NTN1: variants seen among roughly 807,000 people sequenced by gnomAD.
NTN1 encodes the protein netrin-1.
A neutral mutation model predicts 54.2 loss-of-function variants in NTN1; 11 were observed. The observed-to-expected ratio is 0.20, with a 90% CI of 0.13 to 0.34. The LOEUF is 0.34. Among genes scored for constraint, NTN1 ranks in the 10% least tolerant of loss-of-function variants. NTN1 has a pLI of 1.00. For synonymous variants in NTN1, 371 were observed against 382.0 expected, an observed-to-expected ratio of 0.97 and a Z score of 0.33; for missense variants, 740 against 893.1, an observed-to-expected ratio of 0.83 and a Z score of 2.18.
intron 2 of NTN1, among the ~76,000 whole-genome samples, chr17:9,099,230 C>T (rs2092141499): frequency 6.6e-6 from 1 of 152,160 alleles, no homozygotes; most frequent in South Asian, 2.1e-4. Context: ...ATGTTGAAAC[C>T]CTGTCTCTAC....
chr17:9,117,589 C>T (rs527534724), intron 2 of NTN1, among the ~76,000 whole-genome samples: 7 of 151,862 alleles, frequency 4.6e-5, no homozygotes, highest in South Asian at 2.1e-4. Context: ...ACTAAAAATA[C>T]GAAAATTAGC....
At chr17:9,073,368 G>T (rs987028649) in intron 2 of NTN1, among the ~76,000 whole-genome samples, 1 of 152,188 alleles carries the variant, frequency 6.6e-6, no homozygotes, top group Non-Finnish European at 1.5e-5. Flanking sequence ...AAGTCCCCAC[G>T]AGAGTTCTCC....
intron 5 of NTN1, among the ~76,000 whole-genome samples, chr17:9,186,949 A>AG (rs1288495936): frequency 5.9e-5 from 9 of 152,020 alleles, no homozygotes; most frequent in Non-Finnish European, 7.4e-5. Flanking sequence ...GAGGGAGAAA[A>AG]GGGCACTAAA....
intron 6 of NTN1, among the ~76,000 whole-genome samples, chr17:9,234,952 T>C (rs1905931951): frequency 8.0e-6 from 1 of 125,220 alleles, no homozygotes; most frequent in South Asian, 2.5e-4. Flanking sequence ...TTTGTCTGTT[T>C]TTTGTTTTTT....
chr17:9,013,130 G>T, the NTN1 span, among the ~76,000 whole-genome samples: 1 of 151,816 alleles, frequency 6.6e-6, no homozygotes, highest in African/African-American at 2.4e-5. Flanking sequence ...TGGTAGCCAG[G>T]TCTGTTCTGC....
At chr17:9,164,871 A>G (rs1412331021) in intron 3 of NTN1, among the ~76,000 whole-genome samples, 1 of 152,174 alleles carries the variant, frequency 6.6e-6, no homozygotes, top group Non-Finnish European at 1.5e-5. Flanking sequence ...GGCCCAGGCA[A>G]AGGGACCCGA....
rs1905557715 is a variant in NTN1 at position 9,226,450 on chromosome 17, AGG to A, written c.1486+5209_1486+5210del. ...CTCGTGGGGAGGCGGTCTCGTGGGG[AGG>A]CTGTCTCGTGGGGAGGCTGTCTCGT... On this transcript the variant is annotated intron_variant, in intron 6 of 6. Transcript: ENST00000173229. Among the ~76,000 whole-genome samples, 2 of 88,524 alleles carry A rather than the reference AGG, an allele frequency of 2.3e-5. 1 individual carries two copies. 58.1% of individuals were successfully genotyped at this position (88,524 alleles called of 152,430 possible). A position where few individuals can be genotyped will look rare whatever the true frequency, so the allele number is the denominator to read the frequency against.
chr17:9,139,674 GACTAACCATA>G (rs2092291737), intron 2 of NTN1, among the ~76,000 whole-genome samples: 1 of 152,124 alleles, frequency 6.6e-6, no homozygotes, highest in Admixed American at 6.5e-5. Context: ...CGTCCTCAGG[GACTAACCATA>G]ACTATATGCA....
rs910559598 is a variant in NTN1, at chr17:9,072,113, G to A, written c.1018+48722G>A. ...GCTGAGGTCTGGCAAGATGCTTCTC[G>A]GGCAGGAACCCCAAGGGGAGCACTT... is the stretch of plus-strand genomic sequence containing the variant. On this transcript the variant is annotated intron_variant, in intron 2 of 6. Transcript: ENST00000173229. 1.2e-4 allele frequency among the ~76,000 whole-genome samples: 18 copies of A among 152,166 alleles called. 1 individual carries two copies. The highest frequency in any genetic ancestry group is 4.1e-4 in the South Asian group (2 of 4,826).
intron 5 of NTN1, among the ~76,000 whole-genome samples, chr17:9,217,315 T>C (rs1285444367): frequency 1.3e-5 from 2 of 152,200 alleles, no homozygotes; most frequent in Non-Finnish European, 2.9e-5. Context: ...TTACTAGAGA[T>C]TGCTCCCAGA....
intron 6 of NTN1, among the ~76,000 whole-genome samples, chr17:9,228,112 G>C (rs1267049982): frequency 6.6e-6 from 1 of 152,150 alleles, no homozygotes; most frequent in Non-Finnish European, 1.5e-5. Context: ...TAGGAGGGGA[G>C]ACCGACATAC....
At chr17:9,205,712 G>A (rs576250386) in intron 5 of NTN1, among the ~76,000 whole-genome samples, 6 of 152,358 alleles carry the variant, frequency 3.9e-5, no homozygotes, top group African/African-American at 1.4e-4. Context: ...CCATGGCTCT[G>A]TGTATGGAAA....
At chr17:9,126,148 G>A (rs547528150) in intron 2 of NTN1, among the ~76,000 whole-genome samples, 22 of 152,336 alleles carry the variant, frequency 1.4e-4, no homozygotes, top group South Asian at 4.1e-4. Flanking sequence ...TTAATGAATT[G>A]AATAGGATCA....
chr17:9,199,913 G>T lies in NTN1; in HGVS notation c.1411+16944G>T, dbSNP rs946183203. On this transcript the variant is annotated intron_variant, in intron 5 of 6. Coordinates refer to ENST00000173229, the MANE Select transcript of NTN1 (RefSeq NM_004822.3). ...GTGAGCTTTGAGGAGCTTTGTGTGT[G>T]TTTGTAGGAAGTAGTTTAGCCCAGT... Among the ~76,000 whole-genome samples the T allele has an allele frequency of 2.6e-5, 4 of 152,238 alleles. 1 individual carries two copies. Among genetic ancestry groups the T allele is most frequent in the African/African-American group, 2.4e-5 (1 of 41,458 alleles).
chr17:9,159,448 G>C (rs2092351541), intron 2 of NTN1, among the ~76,000 whole-genome samples: 1 of 152,196 alleles, frequency 6.6e-6, no homozygotes, highest in Non-Finnish European at 1.5e-5. Context: ...CTGCTGGTAG[G>C]TGTATAAGCC....
chr17:9,115,686 G>A (rs1033955816), intron 2 of NTN1, among the ~76,000 whole-genome samples: 2 of 152,246 alleles, frequency 1.3e-5, no homozygotes, highest in Non-Finnish European at 2.9e-5. Context: ...CCCCCGGGGC[G>A]GGGACAAACG....
chr17:9,156,238 GT>G (rs11327966), intron 2 of NTN1, among the ~76,000 whole-genome samples: 45,269 of 141,820 alleles, frequency 0.32, 7,078 homozygotes, highest in East Asian at 0.47. Context: ...GCGTGAGTTG[GT>G]TTTTTTTTTT....
In NTN1 at chr17:9,135,180, C is replaced by T. The variant is rs112341676; in HGVS notation, c.1019-27633C>T. 3.3e-5 allele frequency among the ~76,000 whole-genome samples: 5 copies of T among 152,320 alleles called. No individual in the cohort carries two copies. Among genetic ancestry groups the T allele is most frequent in the East Asian group, 3.9e-4 (2 of 5,184 alleles). Reference sequence around the variant, plus strand: ...TCTACCCCATTCCTTTGTCTTTGCTCACCTTGCCAGTTCTTCCCATCTCCT... The same window carrying T: ...TCTACCCCATTCCTTTGTCTTTGCTTACCTTGCCAGTTCTTCCCATCTCCT... On this transcript the variant is annotated intron_variant, in intron 2 of 6. Coordinates refer to ENST00000173229, the MANE Select transcript of NTN1 (RefSeq NM_004822.3). This position sits in a 1 kb window ranked among gnomAD's most constrained non-coding sequence, Gnocchi z 4.4.
chr17:9,092,312 T>C (rs1390053203), intron 2 of NTN1, among the ~76,000 whole-genome samples: 2 of 147,092 alleles, frequency 1.4e-5, no homozygotes, highest in Non-Finnish European at 3.0e-5. Flanking sequence ...ACATTTTCTT[T>C]TCTTCTCTTT....
Sources: allele counts gnomAD v4.1 joint callset (sites outside exome capture counted in the v4.1 genomes callset), GRCh38; gene constraint gnomAD v4.1.1; non-coding constraint Gnocchi (gnomAD v3.1); transcripts MANE v1.5; gene names NCBI Gene and HGNC (gene_info 2026-07-23, HGNC 2026-07-21).